Variants in PHF21B observed in about 807,000 individuals in gnomAD.
PHF21B encodes the protein PHD finger protein 4.
A neutral mutation model predicts 62.2 loss-of-function variants in PHF21B; 22 were observed. That is an observed-to-expected ratio of 0.35 (90% CI 0.25 to 0.51). The LOEUF is 0.51. Among genes scored for constraint, PHF21B ranks in the 20% least tolerant of loss-of-function variants. The pLI is 0.97. For synonymous variants in PHF21B, 341 were observed against 314.7 expected, an observed-to-expected ratio of 1.08 and a Z score of -0.88; for missense variants, 701 against 707.9, an observed-to-expected ratio of 0.99 and a Z score of 0.11.
intron 2 of PHF21B, among the ~76,000 whole-genome samples, chr22:44,960,978 A>G (rs1175474292): frequency 2.5e-5 from 1 of 39,958 alleles, no homozygotes; most frequent in Non-Finnish European, 6.9e-5. Context: ...TTTTTTTGAG[A>G]AGGAGTCTCA....
chr22:44,970,360 G>A (rs574771432), intron 2 of PHF21B, among the ~76,000 whole-genome samples: 1 of 152,312 alleles, frequency 6.6e-6, no homozygotes, highest in Non-Finnish European at 1.5e-5. Flanking sequence ...AAGCCACTGG[G>A]CAGATGCTGG....
chr22:44,957,903 ATTT>A (rs11312000), intron 2 of PHF21B, among the ~76,000 whole-genome samples: 9 of 138,236 alleles, frequency 6.5e-5, no homozygotes, highest in Admixed American at 1.4e-4. Flanking sequence ...ACCACTGGAC[ATTT>A]TTTTTTTTTT....
chr22:45,009,149 C>G lies in PHF21B; in HGVS notation c.54+347G>C. The G allele has an allele frequency of 1.7e-6, 1 of 577,978 alleles. No individual in the cohort carries two copies. Among genetic ancestry groups the G allele is most frequent in the East Asian group, 4.5e-5 (1 of 22,174 alleles). The allele number at this position is 577,978 out of a possible 1,614,324, so 35.8% of individuals were successfully genotyped here. A position where few individuals can be genotyped will look rare whatever the true frequency, so the allele number is the denominator to read the frequency against. ...CGGGGCGCGGGGGCCCGAGGGGAGGCCGGAAGGGGGCCTATTCGCACTCCC... is the reference window on the plus strand; with the variant it reads ...CGGGGCGCGGGGGCCCGAGGGGAGGGCGGAAGGGGGCCTATTCGCACTCCC... On this transcript the variant is annotated intron_variant, in intron 1 of 12. Coordinates refer to ENST00000313237, the MANE Select transcript of PHF21B (RefSeq NM_138415.5). The surrounding 1 kb of genome is among the most constrained non-coding windows in gnomAD (Gnocchi z 5.9).
chr22:44,968,981 T>C (rs1425969580), intron 2 of PHF21B: 1 of 152,164 alleles, frequency 6.6e-6, no homozygotes, highest in Non-Finnish European at 1.5e-5. Context: ...CATTATTCTG[T>C]TTTTTGTTGT....
chr22:44,887,990 C>A lies in PHF21B; in HGVS notation c.1170G>T (p.Val390=). The change falls in exon 10 of 13, where the codon GTG becomes GTT. Residue 390 remains valine (V), a synonymous_variant. Coordinates refer to ENST00000313237, the MANE Select transcript of PHF21B (RefSeq NM_138415.5). ...EPPLKTAPKG[V]WVCPRCQQKA... ...TCTGCTGGCACCTGGGGCACACCCACACGCCCTTGGGCGCCGTCTTGAGGG... is the reference window on the plus strand; with the variant it reads ...TCTGCTGGCACCTGGGGCACACCCAAACGCCCTTGGGCGCCGTCTTGAGGG... 6.4e-7 allele frequency: 1 copy of A among 1,564,076 alleles called. No homozygotes were observed. Among genetic ancestry groups the A allele is most frequent in the Admixed American group, 1.9e-5 (1 of 53,316 alleles).
At chr22:44,905,564 G>C (rs2071233786) in intron 5 of PHF21B, among the ~76,000 whole-genome samples, 1 of 152,132 alleles carries the variant, frequency 6.6e-6, no homozygotes, top group Non-Finnish European at 1.5e-5. Flanking sequence ...GCCAGCCTTG[G>C]CATGAGATCT....
chr22:44,984,149 TCAC>T (rs376690093), intron 2 of PHF21B, among the ~76,000 whole-genome samples: 4 of 109,050 alleles, frequency 3.7e-5, no homozygotes, highest in Admixed American at 9.0e-5. Context: ...ACCATCATCA[TCAC>T]CACCATCACC....
chr22:44,919,272 G>A (rs775413685), intron 3 of PHF21B, among the ~76,000 whole-genome samples: 1 of 152,206 alleles, frequency 6.6e-6, no homozygotes, highest in Admixed American at 6.5e-5. Flanking sequence ...TCTAGACCAA[G>A]CCTGTCCAAA....
chr22:44,883,716 C>T (rs977215917), intron 12 of PHF21B, among the ~76,000 whole-genome samples: 13 of 152,138 alleles, frequency 8.5e-5, no homozygotes, highest in African/African-American at 2.9e-4. Flanking sequence ...TGTCTCTCTA[C>T]GCACCACCGC....
At chr22:45,000,660 C>T (rs1425575776) in intron 2 of PHF21B, 1 of 152,138 alleles carries the variant, frequency 6.6e-6, no homozygotes. Context: ...GGTATCAAAG[C>T]GGACTCTTTG....
chr22:44,986,570 G>A (rs2072953765), intron 2 of PHF21B, among the ~76,000 whole-genome samples: 1 of 149,830 alleles, frequency 6.7e-6, no homozygotes, highest in African/African-American at 2.5e-5. Flanking sequence ...GGATAGCAAA[G>A]GCTCAGTGAC....
At chr22:44,965,087 C>T (rs571147543) in intron 2 of PHF21B, among the ~76,000 whole-genome samples, 2 of 152,266 alleles carry the variant, frequency 1.3e-5, no homozygotes, top group African/African-American at 4.8e-5. Flanking sequence ...GTGGCGTGAA[C>T]ACCGCAGCCA....
At chr22:44,899,632 T>A (rs2071122673) in intron 5 of PHF21B, among the ~76,000 whole-genome samples, 1 of 151,804 alleles carries the variant, frequency 6.6e-6, no homozygotes. Flanking sequence ...TCCTTCTCCT[T>A]CCTTCTTCTT....
At chr22:44,935,640 A>C (rs1372469436) in intron 2 of PHF21B, among the ~76,000 whole-genome samples, 1 of 152,026 alleles carries the variant, frequency 6.6e-6, no homozygotes, top group Non-Finnish European at 1.5e-5. Flanking sequence ...ACAAAAAAAA[A>C]ACAGAAGCAC....
intron 2 of PHF21B, among the ~76,000 whole-genome samples, chr22:44,922,158 G>A (rs1467927260): frequency 2.0e-5 from 3 of 152,200 alleles, no homozygotes; most frequent in Admixed American, 6.5e-5. Context: ...AAGACATCAT[G>A]AACAAGCTGG....
intron 2 of PHF21B, among the ~76,000 whole-genome samples, chr22:44,938,132 T>C (rs1193804431): frequency 6.6e-6 from 1 of 152,250 alleles, no homozygotes; most frequent in African/African-American, 2.4e-5. Context: ...TGGAGTGTAG[T>C]ACCTCGATCT....
chr22:44,920,055 C>G (rs896139810), intron 3 of PHF21B, among the ~76,000 whole-genome samples: 1 of 152,182 alleles, frequency 6.6e-6, no homozygotes, highest in East Asian at 1.9e-4. Flanking sequence ...ATACACACGA[C>G]GGAGTCACCC....
At chr22:44,909,707 G>A (rs2071312753) in intron 5 of PHF21B, among the ~76,000 whole-genome samples, 1 of 152,208 alleles carries the variant, frequency 6.6e-6, no homozygotes, top group African/African-American at 2.4e-5. Flanking sequence ...CTGGGTGTGT[G>A]GAATCCTTTC....
chr22:44,994,395 AG>A (rs2073087571), intron 2 of PHF21B, among the ~76,000 whole-genome samples: 1 of 152,178 alleles, frequency 6.6e-6, no homozygotes, highest in South Asian at 2.1e-4. Flanking sequence ...CAGAGACTGG[AG>A]GGCTGTGTCT....
Sources: gnomAD v4.1 joint callset for allele counts (sites outside exome capture counted in the v4.1 genomes callset) on GRCh38, gnomAD v4.1.1 for gene constraint, Gnocchi (gnomAD v3.1) non-coding constraint, MANE v1.5 for transcripts, NCBI Gene and HGNC (gene_info 2026-07-23, HGNC 2026-07-21) for gene names.